The following RGL1 variants were observed in gnomAD, a reference collection of about 807,000 sequenced individuals.
The protein encoded by RGL1 is ral guanine nucleotide dissociation stimulator-like 1.
A neutral mutation model predicts 95.2 loss-of-function variants in RGL1; 24 were observed. That is an observed-to-expected ratio of 0.25 (90% CI 0.18 to 0.35). The LOEUF is 0.35. Ranked by LOEUF, RGL1 falls within the 10% of genes least tolerant of loss-of-function variation. The pLI is 1.00. For missense variants in RGL1, 715 were observed against 936.3 expected (o/e 0.76, Z 3.08); for synonymous variants, 329 against 344.9 (o/e 0.95, Z 0.51).
rs1225981549 is a variant in RGL1 at position 183,834,789 on chromosome 1, A to G, written c.139-12777A>G. ...TTGTAGCCTTGTACTCGTCCGTTCA[A>G]GAGATCCTTTCACTTCAGCCTCCCA... On this transcript the variant is annotated intron_variant, in intron 2 of 17. Transcript: ENST00000360851. Among the ~76,000 whole-genome samples the G allele has an allele frequency of 2.0e-5, 3 of 152,076 alleles. No individual in the cohort carries two copies. The East Asian group carries it at 5.8e-4, about 29-fold the overall frequency.
At chr1:183,897,548 C>CAA (rs756374573) in intron 9 of RGL1, among the ~76,000 whole-genome samples, 346 of 104,030 alleles carry the variant, frequency 3.3e-3, no homozygotes, top group African/African-American at 0.011. Flanking sequence ...GACTTCGTCT[C>CAA]AAAAAAAAAA....
chr1:183,642,008 A>G (rs1347921147), intron 1 of RGL1, among the ~76,000 whole-genome samples: 1 of 152,176 alleles, frequency 6.6e-6, no homozygotes, highest in South Asian at 2.1e-4. Flanking sequence ...TCTCATTACC[A>G]CTATTAACTC....
At chr1:183,766,001 C>T (rs1658940327) in intron 2 of RGL1, among the ~76,000 whole-genome samples, 1 of 151,770 alleles carries the variant, frequency 6.6e-6, no homozygotes, top group South Asian at 2.1e-4. Flanking sequence ...TTAATGGGTG[C>T]AGCACACCAA....
At chr1:183,804,953 TC>T (rs1346256931), upstream of RGL1, among the ~76,000 whole-genome samples, 1 of 152,224 alleles carries the variant, frequency 6.6e-6, no homozygotes, top group Non-Finnish European at 1.5e-5. Context: ...AAGTGTTGTT[TC>T]CCAATCACCT....
chr1:183,638,862 C>A (rs1482284306), intron 1 of RGL1, among the ~76,000 whole-genome samples: 2 of 152,208 alleles, frequency 1.3e-5, no homozygotes, highest in African/African-American at 4.8e-5. Flanking sequence ...AGCCAAGGAT[C>A]TTTTCAGTTA....
upstream of RGL1, among the ~76,000 whole-genome samples, chr1:183,803,314 T>C (rs1338172513): frequency 4.6e-5 from 7 of 152,230 alleles, no homozygotes; most frequent in Admixed American, 3.9e-4. Flanking sequence ...ACCATGTGCT[T>C]GATGATTTGC....
intron 3 of RGL1, among the ~76,000 whole-genome samples, chr1:183,857,355 T>C (rs991108886): frequency 6.6e-6 from 1 of 152,230 alleles, no homozygotes; most frequent in African/African-American, 2.4e-5. Flanking sequence ...GAGACCCTTG[T>C]TGGACTTCTG....
chr1:183,793,918 A>G (rs1481877087), intron 2 of RGL1, among the ~76,000 whole-genome samples: 1 of 151,558 alleles, frequency 6.6e-6, no homozygotes, highest in African/African-American at 2.4e-5. Context: ...AAAGGAAAGG[A>G]AATCAGTATA....
At chr1:183,889,611 T>C (rs1667303007) in intron 8 of RGL1, among the ~76,000 whole-genome samples, 1 of 152,174 alleles carries the variant, frequency 6.6e-6, no homozygotes, top group Non-Finnish European at 1.5e-5. Context: ...AAATTTATGC[T>C]GAAAAATGAG....
At chr1:183,848,229 G>A (rs1664573730) in intron 3 of RGL1, among the ~76,000 whole-genome samples, 1 of 152,110 alleles carries the variant, frequency 6.6e-6, no homozygotes, top group African/African-American at 2.4e-5. Context: ...CGATGATGAT[G>A]ATAACTATTA....
chr1:183,752,612 C>T (rs1319434497), intron 2 of RGL1, among the ~76,000 whole-genome samples: 2 of 56,676 alleles, frequency 3.5e-5, no homozygotes, highest in Non-Finnish European at 3.7e-5. Context: ...AGCTCGAGAA[C>T]ACTTTTTTTT....
chr1:183,701,394 A>G (rs1926838), intron 1 of RGL1, among the ~76,000 whole-genome samples: 72,173 of 152,006 alleles, frequency 0.47, 17,763 homozygotes, highest in East Asian at 0.76. Context: ...AGAGAATAGG[A>G]GGTGTGTTCC....
chr1:183,773,621 C>T (rs1229603536), intron 2 of RGL1, among the ~76,000 whole-genome samples: 1 of 152,178 alleles, frequency 6.6e-6, no homozygotes, highest in African/African-American at 2.4e-5. Flanking sequence ...TGAGAATCAG[C>T]AACATATGTG....
At chr1:183,805,966 C>CTTTT (rs1294226085) in intron 1 of RGL1, among the ~76,000 whole-genome samples, 7 of 28,388 alleles carry the variant, frequency 2.5e-4, no homozygotes, top group South Asian at 1.5e-3. Flanking sequence ...TTTTTCTTTT[C>CTTTT]TTTTCTTTTT....
intron 2 of RGL1, among the ~76,000 whole-genome samples, chr1:183,790,923 T>TACACAC (rs66642623): frequency 0.068 from 10,154 of 150,288 alleles, 423 homozygotes; most frequent in Admixed American, 0.14. Flanking sequence ...CATGTATGTG[T>TACACAC]ACACACACAC....
chr1:183,650,708 A>ATT lies in RGL1; in HGVS notation c.-33+14221_-33+14222dup, dbSNP rs11395856. Among the ~76,000 whole-genome samples, 1,012 of 144,624 alleles carry ATT rather than the reference A, an allele frequency of 7.0e-3. 10 individuals are homozygous for ATT. The highest frequency in any genetic ancestry group is 0.045 in the East Asian group (226 of 5,048). 94.9% of individuals were successfully genotyped at this position (144,624 alleles called of 152,430 possible). A position where few individuals can be genotyped will look rare whatever the true frequency, so the allele number is the denominator to read the frequency against. ...TATAATATTTATTATAAAGAATCAGATTTTTTTTTTTTTTTAGAATAGATT... is the reference window on the plus strand; with the variant it reads ...TATAATATTTATTATAAAGAATCAGATTTTTTTTTTTTTTTTTAGAATAGATT... On this transcript the variant is annotated intron_variant, in intron 1 of 18. Coordinates refer to the RGL1 transcript ENST00000304685.
chr1:183,668,730 T>G (rs1480925993), intron 1 of RGL1, among the ~76,000 whole-genome samples: 1 of 152,116 alleles, frequency 6.6e-6, no homozygotes, highest in Non-Finnish European at 1.5e-5. Context: ...TTCCTAGATC[T>G]GTGGATTGGT....
intron 1 of RGL1, among the ~76,000 whole-genome samples, chr1:183,700,130 T>C (rs1053226851): frequency 6.6e-6 from 1 of 152,158 alleles, no homozygotes; most frequent in Non-Finnish European, 1.5e-5. Flanking sequence ...CTCAACCTGC[T>C]CAGACCTGAC....
chr1:183,658,067 C>T (rs1651313029), intron 1 of RGL1, among the ~76,000 whole-genome samples: 3 of 152,200 alleles, frequency 2.0e-5, no homozygotes, highest in Admixed American at 1.3e-4. Context: ...GGGAATTTTT[C>T]GGGGGTGGAG....
Sources: allele counts gnomAD v4.1 joint callset (sites outside exome capture counted in the v4.1 genomes callset), GRCh38; gene constraint gnomAD v4.1.1; transcripts MANE v1.5; gene names NCBI Gene and HGNC (gene_info 2026-07-23, HGNC 2026-07-21).